Variants in ZNF207 observed in about 807,000 individuals in gnomAD.
ZNF207 encodes BUB3-interacting and GLEBS motif-containing protein ZNF207.
Under a neutral mutation model 60.2 loss-of-function variants are expected in ZNF207, and 24 were observed. That is an observed-to-expected ratio of 0.40 (90% CI 0.29 to 0.56). The LOEUF is 0.56. Ranked by LOEUF, ZNF207 falls within the 20% of genes least tolerant of loss-of-function variation. The probability of loss-of-function intolerance (pLI) is 0.49; values close to 1 mark genes in which losing one functional copy is unlikely to be tolerated. For synonymous variants in ZNF207, 236 were observed against 194.7 expected (o/e 1.21, Z -1.77); for missense variants, 452 against 636.6 (o/e 0.71, Z 3.12).
At position 32,376,127 on chromosome 17, in the gene ZNF207, TA is replaced by T. The variant is rs1448099835; in HGVS notation, c.*6371del. ...ATTTTGTGATTAGTGCTGAGTTTTC[TA>T]AACTACTATCTTAAGCTCTTAGGCA... is the stretch of plus-strand genomic sequence containing the variant. On this transcript the variant is annotated 3_prime_UTR_variant, in exon 12 of 12. Transcript: ENST00000394670. The T allele has an allele frequency of 6.6e-6, 1 of 152,074 alleles. No homozygotes were observed. The highest frequency in any genetic ancestry group is 2.4e-5 in the African/African-American group (1 of 41,458). The allele number at this position is 152,074 out of a possible 1,614,324, so 9.4% of individuals were successfully genotyped here.
intron 8 of ZNF207, chr17:32,365,711 C>T (rs142678842): frequency 3.6e-5 from 8 of 220,884 alleles, no homozygotes; most frequent in Non-Finnish European, 6.7e-5. Context: ...GTTACTTTTT[C>T]ATAGCTGTGA....
rs773277657 is a variant in ZNF207, at chr17:32,367,926, C to T, written c.1076C>T (p.Pro359Leu). The T allele has an allele frequency of 6.2e-7, 1 of 1,614,168 alleles. No individual in the cohort carries two copies. Among genetic ancestry groups the T allele is most frequent in the South Asian group, 1.1e-5 (1 of 91,084 alleles). Residue 359 changes from proline (P) to leucine (L), a missense_variant, in exon 10 of 12, where the codon CCA becomes CTA. Pro to Leu is a moderately conservative substitution (Grantham distance 98, BLOSUM62 -3). Coordinates refer to ENST00000394670, the MANE Select transcript of ZNF207 (RefSeq NM_001098507.2). Reference protein sequence around the residue: ...TSTTNSTAAKPAASITSKPAT... With the variant: ...TSTTNSTAAKLAASITSKPAT... ...ACAACAAATAGTACTGCAGCTAAAC[C>T]AGCGGCTTCAATAACAAGTAAGCCT...
At chr17:32,351,497 A>G (rs2041506761) in intron 1 of ZNF207, 4 of 1,488,062 alleles carry the variant, frequency 2.7e-6, no homozygotes, top group East Asian at 5.1e-5. Flanking sequence ...TATTTATAAC[A>G]AAAGTTTCAC....
chr17:32,353,247 ATAT>A, intron 2 of ZNF207, among the ~76,000 whole-genome samples: 1 of 152,276 alleles, frequency 6.6e-6, no homozygotes, highest in Admixed American at 6.5e-5. Context: ...ATTGTAATTT[ATAT>A]TTTTTAAGAT....
rs1905830544 is a variant in ZNF207 at position 32,380,258 on chromosome 17, A to G, written c.*10499A>G. On this transcript the variant is annotated 3_prime_UTR_variant, in exon 12 of 12. Coordinates refer to ENST00000394670, the MANE Select transcript of ZNF207 (RefSeq NM_001098507.2). Reference sequence around the variant, plus strand: ...GTAAGTAGCCAAATTTCCGTAATATAAGGTAATGTTTAAAAGTGAGCAATA... The same window carrying G: ...GTAAGTAGCCAAATTTCCGTAATATGAGGTAATGTTTAAAAGTGAGCAATA... The G allele has an allele frequency of 6.6e-6, 1 of 152,654 alleles. No individual in the cohort carries two copies. Among genetic ancestry groups the G allele is most frequent in the African/African-American group, 2.4e-5 (1 of 41,452 alleles). The allele number at this position is 152,654 out of a possible 1,614,324, so 9.5% of individuals were successfully genotyped here.
Position 32,380,856 on chromosome 17 carries a change from C to T in ZNF207, c.*11097C>T, listed in dbSNP as rs746373764. ...CCTGTAACCCCAGCTACTCTGGAGG[C>T]TGAGGCAGGAAAATCGCTTGAACCC... On this transcript the variant is annotated 3_prime_UTR_variant, in exon 12 of 12. Coordinates refer to ENST00000394670, the MANE Select transcript of ZNF207 (RefSeq NM_001098507.2). 1 of 151,992 alleles carries T rather than the reference C, an allele frequency of 6.6e-6. No homozygotes were observed. Among genetic ancestry groups the T allele is most frequent in the African/African-American group, 2.4e-5 (1 of 41,342 alleles). 9.4% of individuals were successfully genotyped at this position (151,992 alleles called of 1,614,324 possible).
Position 32,372,510 on chromosome 17 carries a change from G to A in ZNF207, c.*2751G>A, listed in dbSNP as rs1905518268. 1 of 152,018 alleles carries A rather than the reference G, an allele frequency of 6.6e-6. No homozygotes were observed. The highest frequency in any genetic ancestry group is 2.1e-4 in the South Asian group (1 of 4,824). 9.4% of individuals were successfully genotyped at this position (152,018 alleles called of 1,614,324 possible). A position where few individuals can be genotyped will look rare whatever the true frequency, so the allele number is the denominator to read the frequency against. On this transcript the variant is annotated 3_prime_UTR_variant, in exon 12 of 12. Coordinates refer to ENST00000394670, the MANE Select transcript of ZNF207 (RefSeq NM_001098507.2). The stretch of plus-strand genomic sequence containing the variant: ...TTTGCTCTCTGTATAGGTCTGATGG[G>A]CAAAAATGGAACTTTTAAATATGGG...
At chr17:32,355,737 G>C (rs952662940) in intron 2 of ZNF207, among the ~76,000 whole-genome samples, 37 of 152,212 alleles carry the variant, frequency 2.4e-4, no homozygotes, top group Non-Finnish European at 4.9e-4. Flanking sequence ...AATCGTCTAA[G>C]GAGATGAAAG....
rs1299122489 is a variant in ZNF207 at position 32,357,345 on chromosome 17, ATTATTATTTTT to A, written c.169-1155_169-1145del. 5.1e-4 allele frequency among the ~76,000 whole-genome samples: 33 copies of A among 64,986 alleles called. 1 individual carries two copies. Among genetic ancestry groups the A allele is most frequent in the African/African-American group, 2.8e-3 (31 of 11,250 alleles). The allele number at this position is 64,986 out of a possible 152,430, so 42.6% of individuals were successfully genotyped here. On this transcript the variant is annotated intron_variant, in intron 2 of 11. Transcript: ENST00000394670. Reference sequence around the variant, plus strand: ...TATTATTATTATTATTATTATTATTATTATTATTTTTTTTTTTTTTTGAGACAGAATCTCGC... The same window carrying A: ...TATTATTATTATTATTATTATTATTATTTTTTTTTTGAGACAGAATCTCGC...
At chr17:32,363,482 G>A (rs1597782660) in intron 7 of ZNF207, among the ~76,000 whole-genome samples, 1 of 134,730 alleles carries the variant, frequency 7.4e-6, no homozygotes. Context: ...TAGAGCGCTT[G>A]TATTTGTTAG....
In ZNF207 at chr17:32,351,418, T is replaced by A; in HGVS notation, c.42-368T>A. 5 of 1,294,678 alleles carry A rather than the reference T, an allele frequency of 3.9e-6. No homozygotes were observed. The South Asian group carries it at 8.0e-5, about 21-fold the overall frequency. 80.2% of individuals were successfully genotyped at this position (1,294,678 alleles called of 1,614,324 possible). ...TTCATATCTAGTGAAGTAATTGTCT[T>A]GACAGAACCTTAGGGATTTCTTAAC... On this transcript the variant is annotated intron_variant, in intron 1 of 11. Coordinates refer to ENST00000394670, the MANE Select transcript of ZNF207 (RefSeq NM_001098507.2).
chr17:32,364,183 A>G (rs1394875109), intron 7 of ZNF207, among the ~76,000 whole-genome samples: 4 of 151,238 alleles, frequency 2.6e-5, no homozygotes, highest in Admixed American at 2.0e-4. Flanking sequence ...TTTTTCTTCT[A>G]TTTGGAACCA....
Position 32,369,810 on chromosome 17 carries a change from T to A in ZNF207, c.*51T>A. The A allele has an allele frequency of 7.2e-7, 1 of 1,390,358 alleles. No homozygotes were observed. The highest frequency in any genetic ancestry group is 9.4e-7 in the Non-Finnish European group (1 of 1,064,958). The allele number at this position is 1,390,358 out of a possible 1,614,324, so 86.1% of individuals were successfully genotyped here. A position where few individuals can be genotyped will look rare whatever the true frequency, so the allele number is the denominator to read the frequency against. ...TTGGAGATTAAACCTTTTCTCAACT[T>A]GTGCTGTTTATATAGCCAAGCTTCC... On this transcript the variant is annotated 3_prime_UTR_variant, in exon 12 of 12. Coordinates refer to ENST00000394670, the MANE Select transcript of ZNF207 (RefSeq NM_001098507.2).
In ZNF207 at chr17:32,378,827, C is replaced by T. The variant is rs937775610; in HGVS notation, c.*9068C>T. On this transcript the variant is annotated 3_prime_UTR_variant, in exon 12 of 12. Coordinates refer to ENST00000394670, the MANE Select transcript of ZNF207 (RefSeq NM_001098507.2). ...ACTGAGGAGGGAGGAATAAAGCATA[C>T]AAGTTAATTTCTAATTTTCGCAAGC... The T allele has an allele frequency of 1.3e-5, 2 of 151,890 alleles. No homozygotes were observed. The highest frequency in any genetic ancestry group is 4.8e-5 in the African/African-American group (2 of 41,380). The allele number at this position is 151,890 out of a possible 1,614,324, so 9.4% of individuals were successfully genotyped here.
At chr17:32,361,857 TAATA>T (rs1904898440) in intron 6 of ZNF207, among the ~76,000 whole-genome samples, 1 of 152,170 alleles carries the variant, frequency 6.6e-6, no homozygotes, top group Non-Finnish European at 1.5e-5. Flanking sequence ...TCTAATCTAT[TAATA>T]GAAGTTAATC....
At position 32,373,169 on chromosome 17, in the gene ZNF207, A is replaced by G; in HGVS notation, c.*3410A>G. On this transcript the variant is annotated 3_prime_UTR_variant, in exon 12 of 12. Coordinates refer to ENST00000394670, the MANE Select transcript of ZNF207 (RefSeq NM_001098507.2). ...CTGTACTCCTATTCCACTAAGTTACATTTTGAACTTAGACTCACCTTAATT... is the reference window on the plus strand; with the variant it reads ...CTGTACTCCTATTCCACTAAGTTACGTTTTGAACTTAGACTCACCTTAATT... The G allele has an allele frequency of 2.4e-6, 1 of 410,140 alleles. No individual in the cohort carries two copies. Among genetic ancestry groups the G allele is most frequent in the Non-Finnish European group, 4.4e-6 (1 of 229,868 alleles). The allele number at this position is 410,140 out of a possible 1,614,324, so 25.4% of individuals were successfully genotyped here. A position where few individuals can be genotyped will look rare whatever the true frequency, so the allele number is the denominator to read the frequency against.
Position 32,371,850 on chromosome 17 carries a change from T to C in ZNF207, c.*2091T>C, listed in dbSNP as rs573772695. ...AATAAAACAGGTATTTTGCCAGTAATGTATTTCTTTCTGCCAGCAGCCAAG... is the reference window on the plus strand; with the variant it reads ...AATAAAACAGGTATTTTGCCAGTAACGTATTTCTTTCTGCCAGCAGCCAAG... On this transcript the variant is annotated 3_prime_UTR_variant, in exon 12 of 12. Coordinates refer to ENST00000394670, the MANE Select transcript of ZNF207 (RefSeq NM_001098507.2). 81 of 152,368 alleles carry C rather than the reference T, an allele frequency of 5.3e-4. No homozygotes were observed. The highest frequency in any genetic ancestry group is 1.8e-3 in the African/African-American group (75 of 41,584). The allele number at this position is 152,368 out of a possible 1,614,324, so 9.4% of individuals were successfully genotyped here. A position where few individuals can be genotyped will look rare whatever the true frequency, so the allele number is the denominator to read the frequency against.
intron 2 of ZNF207, among the ~76,000 whole-genome samples, chr17:32,356,649 G>T (rs750136682): frequency 2.8e-4 from 42 of 152,274 alleles, no homozygotes; most frequent in Middle Eastern, 3.4e-3. Context: ...TAAGTCATTA[G>T]CCTAAATGAG....
chr17:32,355,956 C>G (rs897925008), intron 2 of ZNF207, among the ~76,000 whole-genome samples: 1 of 152,120 alleles, frequency 6.6e-6, no homozygotes, highest in Non-Finnish European at 1.5e-5. Flanking sequence ...CGAAGGCATT[C>G]TTAGGGAGTT....
Sources: gnomAD v4.1 joint callset for allele counts (sites outside exome capture counted in the v4.1 genomes callset) on GRCh38, gnomAD v4.1.1 for gene constraint, MANE v1.5 for transcripts, NCBI Gene and HGNC (gene_info 2026-07-23, HGNC 2026-07-21) for gene names.